ERC2: variants seen among roughly 807,000 people sequenced by gnomAD.
The protein encoded by ERC2 is ELKS/RAB6-interacting/CAST family member 2, also known as ERC protein 2.
Under a neutral mutation model 114.8 loss-of-function variants are expected in ERC2, and 42 were observed. The ratio of observed to expected loss-of-function variants is 0.37; its 90% confidence interval spans 0.29 to 0.47. ERC2 has a LOEUF of 0.47. Among genes scored for constraint, ERC2 ranks in the 20% least tolerant of loss-of-function variants. The pLI is 0.99. For synonymous variants in ERC2, 454 were observed against 425.5 expected, an observed-to-expected ratio of 1.07 and a Z score of -0.82; for missense variants, 939 against 1,150.7, an observed-to-expected ratio of 0.82 and a Z score of 2.66.
Position 56,104,464 on chromosome 3 carries a change from C to T in ERC2, c.1474-23480G>A, listed in dbSNP as rs79401516. 6.7e-3 allele frequency among the ~76,000 whole-genome samples: 1,013 copies of T among 152,284 alleles called. 12 individuals carry two copies. Among genetic ancestry groups the T allele is most frequent in the African/African-American group, 0.023 (938 of 41,556 alleles). On this transcript the variant is annotated intron_variant, in intron 6 of 17. Coordinates refer to ENST00000288221, the MANE Select transcript of ERC2 (RefSeq NM_015576.3). Reference sequence around the variant, plus strand: ...TCACCTCTAATTTTCCCTTCTTAGACACTGCTAAGACTTTGTTGAGGTGGC... The same window carrying T: ...TCACCTCTAATTTTCCCTTCTTAGATACTGCTAAGACTTTGTTGAGGTGGC...
intron 3 of ERC2, among the ~76,000 whole-genome samples, chr3:56,274,577 C>A (rs1052991191): frequency 5.3e-5 from 8 of 152,076 alleles, no homozygotes; most frequent in African/African-American, 1.9e-4. Flanking sequence ...CAAAGGCCAA[C>A]TATAATTGTG....
chr3:55,913,425 T>C (rs1461470790), intron 13 of ERC2, among the ~76,000 whole-genome samples: 1 of 152,148 alleles, frequency 6.6e-6, no homozygotes, highest in African/African-American at 2.4e-5. Flanking sequence ...GAAAGCTACT[T>C]GCTGGTTCGA....
intron 7 of ERC2, among the ~76,000 whole-genome samples, chr3:56,063,936 C>T (rs930635284): frequency 1.3e-5 from 2 of 152,126 alleles, no homozygotes; most frequent in Non-Finnish European, 2.9e-5. Flanking sequence ...TCATCTATAA[C>T]ATCATGTCTA....
chr3:55,527,783 TA>T (rs919003625), intron 17 of ERC2, among the ~76,000 whole-genome samples: 21 of 152,232 alleles, frequency 1.4e-4, no homozygotes, highest in African/African-American at 5.1e-4. Flanking sequence ...AAATAAGAGC[TA>T]AAAACTATAG....
At chr3:56,240,696 T>C (rs2051267467) in intron 3 of ERC2, among the ~76,000 whole-genome samples, 1 of 152,156 alleles carries the variant, frequency 6.6e-6, no homozygotes, top group African/African-American at 2.4e-5. Flanking sequence ...AAATGAGTCA[T>C]TTAAATATGG....
rs186736476 is a variant in ERC2 at position 56,459,265 on chromosome 3, T to C, written c.-141+8983A>G. Among the ~76,000 whole-genome samples, 790 of 152,340 alleles carry C rather than the reference T, an allele frequency of 5.2e-3. 3 individuals are homozygous for C. The highest frequency in any genetic ancestry group is 7.8e-3 in the Non-Finnish European group (534 of 68,030). On this transcript the variant is annotated intron_variant, in intron 1 of 17. Transcript: ENST00000288221. ...TGCTCTTTCTTACTGCAATTAGTCA[T>C]ACCATTTAGCAGAAATCTTTCACGG...
At chr3:55,583,503 CCCT>C (rs1232726098) in intron 17 of ERC2, among the ~76,000 whole-genome samples, 1 of 31,862 alleles carries the variant, frequency 3.1e-5, no homozygotes, top group Non-Finnish European at 6.0e-5. Context: ...CTCCTTCCCT[CCCT>C]CCCTCCCTCC....
At chr3:55,781,877 A>G (rs1047944460) in intron 14 of ERC2, among the ~76,000 whole-genome samples, 8 of 102,804 alleles carry the variant, frequency 7.8e-5, no homozygotes, top group African/African-American at 2.5e-4. Context: ...AGCCTCACAG[A>G]AAAAAAAAAA....
intron 17 of ERC2, among the ~76,000 whole-genome samples, chr3:55,631,821 A>G (rs2059769519): frequency 6.6e-6 from 1 of 152,212 alleles, no homozygotes; most frequent in South Asian, 2.1e-4. Context: ...CAACAATAAC[A>G]ATTAAAAAGT....
At chr3:55,547,067 G>A (rs1575541686) in intron 17 of ERC2, among the ~76,000 whole-genome samples, 1 of 152,374 alleles carries the variant, frequency 6.6e-6, no homozygotes. Context: ...GCTGCAAAAC[G>A]AGAATGGTAA....
intron 5 of ERC2, among the ~76,000 whole-genome samples, chr3:56,142,696 A>G (rs2149926573): frequency 6.6e-6 from 1 of 152,240 alleles, no homozygotes; most frequent in South Asian, 2.1e-4. Context: ...AATATTTCAT[A>G]GTCTTTTTCT....
At chr3:56,330,357 T>G (rs1056046991) in intron 2 of ERC2, among the ~76,000 whole-genome samples, 1 of 152,148 alleles carries the variant, frequency 6.6e-6, no homozygotes, top group Non-Finnish European at 1.5e-5. Context: ...ATTAATATTT[T>G]CTCATTTCAT....
At chr3:55,691,567 A>ATATATATATATGT (rs2062656162) in intron 16 of ERC2, among the ~76,000 whole-genome samples, 1 of 62,332 alleles carries the variant, frequency 1.6e-5, no homozygotes, top group African/African-American at 7.1e-5. Flanking sequence ...AAAAAAAAAA[A>ATATATATATATGT]AAAAAAATAT....
intron 7 of ERC2, among the ~76,000 whole-genome samples, chr3:56,033,881 G>T (rs768556904): frequency 1.3e-4 from 20 of 151,828 alleles, no homozygotes; most frequent in Non-Finnish European, 2.4e-4. Flanking sequence ...CTGTAGCCTT[G>T]ACCTCCAAGG....
chr3:56,395,385 T>G (rs2060268708), intron 2 of ERC2, among the ~76,000 whole-genome samples: 2 of 152,198 alleles, frequency 1.3e-5, no homozygotes, highest in Admixed American at 6.5e-5. Flanking sequence ...TTAAATACTT[T>G]AACATTGTCT....
At chr3:56,397,732 T>A (rs2060365642) in intron 2 of ERC2, among the ~76,000 whole-genome samples, 1 of 152,210 alleles carries the variant, frequency 6.6e-6, no homozygotes, top group African/African-American at 2.4e-5. Flanking sequence ...TCTTTCTCTA[T>A]CACAAAAATC....
intron 15 of ERC2, among the ~76,000 whole-genome samples, chr3:55,720,148 CTTCTTCTTCTTCTTCTTCT>C (rs1559547102): frequency 0.15 from 452 of 2,980 alleles, 181 homozygotes; most frequent in Non-Finnish European, 0.17. Context: ...TCTTCCTCTT[CTTCTTCTTCTTCTTCTTCT>C]TCTTCTTCTT....
At chr3:55,981,866 G>A (rs529507423) in intron 12 of ERC2, among the ~76,000 whole-genome samples, 1 of 152,300 alleles carries the variant, frequency 6.6e-6, no homozygotes, top group East Asian at 1.9e-4. Context: ...AAGAAAGAGT[G>A]GGGTGAGACA....
At chr3:55,633,996 A>G (rs1559774345) in intron 17 of ERC2, among the ~76,000 whole-genome samples, 1 of 152,048 alleles carries the variant, frequency 6.6e-6, no homozygotes, top group Non-Finnish European at 1.5e-5. Flanking sequence ...AGATCAGGGG[A>G]CTTGCCACTC....
Sources: allele counts gnomAD v4.1 joint callset (sites outside exome capture counted in the v4.1 genomes callset), GRCh38; gene constraint gnomAD v4.1.1; transcripts MANE v1.5; gene names NCBI Gene and HGNC (gene_info 2026-07-23, HGNC 2026-07-21).